The following SPMAP2L variants were observed in gnomAD, a reference collection of about 807,000 sequenced individuals.
SPMAP2L encodes the protein sperm microtubule associated protein 2-like.
At chr4:56,585,973 C>T in the SPMAP2L span, among the ~76,000 whole-genome samples, 1 of 152,148 alleles carries the variant, frequency 6.6e-6, no homozygotes, top group African/African-American at 2.4e-5. Context: ...CAAACCATCC[C>T]CAAACTTAGT....
the SPMAP2L span, among the ~76,000 whole-genome samples, chr4:56,558,260 C>G: frequency 6.6e-6 from 1 of 152,142 alleles, no homozygotes; most frequent in Non-Finnish European, 1.5e-5. Context: ...CATGAGCCAC[C>G]ACGTCCAGCC....
chr4:56,593,784 T>A, the SPMAP2L span: 2 of 1,589,018 alleles, frequency 1.3e-6, no homozygotes, highest in Non-Finnish European at 8.6e-7. Flanking sequence ...GAGAGAGACA[T>A]GGCTACCAGC....
the SPMAP2L span, among the ~76,000 whole-genome samples, chr4:56,574,206 G>C: frequency 1.8e-4 from 28 of 152,076 alleles, no homozygotes; most frequent in African/African-American, 6.5e-4. Flanking sequence ...AATCACTTGA[G>C]CATAGGCATT....
chr4:56,576,110 A>G, the SPMAP2L span, among the ~76,000 whole-genome samples: 2 of 152,234 alleles, frequency 1.3e-5, no homozygotes, highest in African/African-American at 4.8e-5. Flanking sequence ...AGTGGAATAT[A>G]TACAGTGTAC....
chr4:56,610,923 A>G, the SPMAP2L span, among the ~76,000 whole-genome samples: 1 of 152,232 alleles, frequency 6.6e-6, no homozygotes. Flanking sequence ...AAGGATGGCC[A>G]TAATAAGAAA....
chr4:56,596,672 G>C, the SPMAP2L span: 1 of 1,469,842 alleles, frequency 6.8e-7, no homozygotes, highest in Non-Finnish European at 8.9e-7. Context: ...CTCACTTTTT[G>C]GCTGCTCTTA....
the SPMAP2L span, chr4:56,603,274 C>T: frequency 6.5e-7 from 1 of 1,534,808 alleles, no homozygotes. Flanking sequence ...GCTTTGAAAG[C>T]ACAGTGTTCT....
chr4:56,582,918 T>C, the SPMAP2L span, among the ~76,000 whole-genome samples: 1 of 152,200 alleles, frequency 6.6e-6, no homozygotes, highest in Non-Finnish European at 1.5e-5. Flanking sequence ...ATCAATCTTC[T>C]AAACATGCTA....
chr4:56,587,175 T>G, the SPMAP2L span, among the ~76,000 whole-genome samples: 1 of 152,176 alleles, frequency 6.6e-6, no homozygotes, highest in South Asian at 2.1e-4. Context: ...AATGTTTATT[T>G]TATAAATTTA....
chr4:56,557,356 G>C, the SPMAP2L span, among the ~76,000 whole-genome samples: 15 of 152,058 alleles, frequency 9.9e-5, no homozygotes, highest in African/African-American at 3.1e-4. Flanking sequence ...AGTCTCAAAG[G>C]CCAGCGAAGA....
chr4:56,564,106 A>T, the SPMAP2L span, among the ~76,000 whole-genome samples: 1 of 150,010 alleles, frequency 6.7e-6, no homozygotes, highest in South Asian at 2.1e-4. Context: ...ACAGTTTATT[A>T]ATTTCGTTGA....
chr4:56,577,146 T>C, the SPMAP2L span, among the ~76,000 whole-genome samples: 2 of 150,484 alleles, frequency 1.3e-5, no homozygotes, highest in African/African-American at 5.0e-5. Context: ...GGCTCACGCC[T>C]GTAATCCCAG....
the SPMAP2L span, among the ~76,000 whole-genome samples, chr4:56,545,208 C>G: frequency 6.6e-6 from 1 of 152,186 alleles, no homozygotes; most frequent in African/African-American, 2.4e-5. Context: ...GTAGAAAGCT[C>G]TGATACAACT....
At chr4:56,576,193 G>A in the SPMAP2L span, among the ~76,000 whole-genome samples, 1 of 152,170 alleles carries the variant, frequency 6.6e-6, no homozygotes. Flanking sequence ...GTGCAGTTAT[G>A]TATGTTATAC....
the SPMAP2L span, among the ~76,000 whole-genome samples, chr4:56,543,891 A>AGTGTGT: frequency 1.6e-5 from 2 of 123,732 alleles, no homozygotes; most frequent in Non-Finnish European, 3.3e-5. Context: ...AGAGAGAGAG[A>AGTGTGT]GAGAGTGTGT....
chr4:56,612,333 A>C, the SPMAP2L span, among the ~76,000 whole-genome samples: 1 of 152,102 alleles, frequency 6.6e-6, no homozygotes, highest in African/African-American at 2.4e-5. Context: ...AACATTTTTT[A>C]CCCAAACATT....
chr4:56,619,712 T>C, the SPMAP2L span, among the ~76,000 whole-genome samples: 14 of 152,228 alleles, frequency 9.2e-5, no homozygotes, highest in East Asian at 2.5e-3. Flanking sequence ...AACTAAAAAA[T>C]AAGTAAGTGA....
the SPMAP2L span, among the ~76,000 whole-genome samples, chr4:56,544,028 C>G: frequency 1.3e-5 from 2 of 151,058 alleles, no homozygotes; most frequent in African/African-American, 4.9e-5. Context: ...CTCTCTTGCC[C>G]AGGCTGGAGT....
chr4:56,567,655 T>G, the SPMAP2L span, among the ~76,000 whole-genome samples: 1 of 151,946 alleles, frequency 6.6e-6, no homozygotes, highest in Non-Finnish European at 1.5e-5. Context: ...TTAAAATTCT[T>G]TATTTCACTT....
Sources: gnomAD v4.1 joint callset for allele counts (sites outside exome capture counted in the v4.1 genomes callset) on GRCh38, gnomAD v4.1.1 for gene constraint, MANE v1.5 for transcripts, NCBI Gene and HGNC (gene_info 2026-07-23, HGNC 2026-07-21) for gene names.